Variants in SLAIN2 observed in about 807,000 individuals in gnomAD.
SLAIN2 encodes the protein SLAIN motif-containing protein 2.
Under a neutral mutation model 56.6 loss-of-function variants are expected in SLAIN2, and 31 were observed. That is an observed-to-expected ratio of 0.55 (90% CI 0.41 to 0.74). The LOEUF is 0.74. SLAIN2 is among the 30% of genes least tolerant of loss of function. The pLI, the probability that SLAIN2 is intolerant of heterozygous loss-of-function variation, is 0.00. For synonymous variants in SLAIN2, 317 were observed against 284.9 expected (o/e 1.11, Z -1.13); for missense variants, 777 against 754.2 (o/e 1.03, Z -0.35).
rs1203717460 is a variant in SLAIN2, at chr4:48,377,958, A to G, written c.601A>G (p.Ser201Gly). The change falls in exon 3 of 8, where the codon AGT becomes GGT. Residue 201 changes from serine to glycine, a missense_variant. Coordinates refer to ENST00000264313, the MANE Select transcript of SLAIN2 (RefSeq NM_020846.2). ...CTCTATGAGTTACACCAGTCCTTAC[A>G]GTCCAAATGCCAGTAGCCCATACAG... Reference protein sequence around the residue: ...FNSMSYTSPYSPNASSPYSSG... With the variant: ...FNSMSYTSPYGPNASSPYSSG... 10 of 1,613,982 alleles carry G rather than the reference A, an allele frequency of 6.2e-6. 1 individual carries two copies. The highest frequency in any genetic ancestry group is 8.5e-6 in the Non-Finnish European group (10 of 1,179,880).
At chr4:48,342,711 CTTTT>C (rs761272695) in intron 1 of SLAIN2, among the ~76,000 whole-genome samples, 78 of 65,944 alleles carry the variant, frequency 1.2e-3, no homozygotes, top group African/African-American at 4.6e-3. Context: ...GATGGTGCTG[CTTTT>C]TTTTTTTTTT....
chr4:48,351,701 C>T (rs530456013), intron 1 of SLAIN2, among the ~76,000 whole-genome samples: 3 of 152,316 alleles, frequency 2.0e-5, no homozygotes, highest in South Asian at 2.1e-4. Context: ...TTCTGTCTAA[C>T]GCCATGTCTG....
intron 1 of SLAIN2, among the ~76,000 whole-genome samples, chr4:48,357,927 G>C (rs1560450951): frequency 6.6e-6 from 1 of 152,078 alleles, no homozygotes; most frequent in Non-Finnish European, 1.5e-5. Context: ...TTGAACTCCT[G>C]GCCTCAAGTG....
intron 1 of SLAIN2, among the ~76,000 whole-genome samples, chr4:48,362,032 A>G (rs1271415895): frequency 6.6e-6 from 1 of 152,108 alleles, no homozygotes; most frequent in African/African-American, 2.4e-5. Flanking sequence ...ACCTTGCAGA[A>G]CACATTTATT....
intron 6 of SLAIN2, among the ~76,000 whole-genome samples, chr4:48,394,278 C>T (rs765131879): frequency 6.6e-6 from 1 of 152,114 alleles, no homozygotes; most frequent in Non-Finnish European, 1.5e-5. Flanking sequence ...GTATCCCTAG[C>T]ATGTTTGTGG....
chr4:48,383,581 A>G, intron 5 of SLAIN2, 66 bp from the exon 6 acceptor site: 1 of 1,328,260 alleles, frequency 7.5e-7, no homozygotes, highest in Admixed American at 2.7e-5. Flanking sequence ...TTTGAATGCT[A>G]GTTAATATTT....
At chr4:48,364,048 T>G (rs1232986069) in intron 1 of SLAIN2, among the ~76,000 whole-genome samples, 8 of 82,722 alleles carry the variant, frequency 9.7e-5, no homozygotes, top group East Asian at 7.3e-4. Flanking sequence ...ATGGGGTGGC[T>G]GCCGGGCGGA....
chr4:48,378,609 C>T (rs1353620487), intron 3 of SLAIN2, among the ~76,000 whole-genome samples: 1 of 152,056 alleles, frequency 6.6e-6, no homozygotes, highest in African/African-American at 2.4e-5. Context: ...CTCTTATTGT[C>T]GCTGAAGCTG....
chr4:48,350,728 AT>A (rs953208508), intron 1 of SLAIN2, among the ~76,000 whole-genome samples: 1 of 152,236 alleles, frequency 6.6e-6, no homozygotes, highest in Non-Finnish European at 1.5e-5. Flanking sequence ...AAACTAGCTT[AT>A]TTAAGAGGAA....
intron 1 of SLAIN2, among the ~76,000 whole-genome samples, chr4:48,356,944 T>G (rs1715170427): frequency 6.6e-6 from 1 of 152,142 alleles, no homozygotes; most frequent in Non-Finnish European, 1.5e-5. Flanking sequence ...TTGTGTTGTG[T>G]TCTGTCACAC....
At chr4:48,374,404 T>A (rs1715750183) in intron 2 of SLAIN2, among the ~76,000 whole-genome samples, 1 of 151,700 alleles carries the variant, frequency 6.6e-6, no homozygotes, top group African/African-American at 2.4e-5. Flanking sequence ...ACCCAGCTAA[T>A]TTTTTTTGTA....
At chr4:48,362,619 C>G (rs1005763919) in intron 1 of SLAIN2, among the ~76,000 whole-genome samples, 26 of 136,082 alleles carry the variant, frequency 1.9e-4, no homozygotes, top group Non-Finnish European at 3.1e-4. Flanking sequence ...CAGGGTTTCA[C>G]CGTGTTAGCC....
rs1717111683 is a variant in SLAIN2, at chr4:48,420,256, ACCT to A, written c.1497_1499del (p.Ser500del). ...AGAAATAACACAGCTCACACAAACC[ACCT>A]CCTCACCTGGGCCTCCTATGGTTCA... On this transcript the variant is annotated inframe_deletion, in exon 7 of 8. Coordinates refer to ENST00000264313, the MANE Select transcript of SLAIN2 (RefSeq NM_020846.2). The A allele has an allele frequency of 6.2e-7, 1 of 1,613,560 alleles. No individual in the cohort carries two copies. Among genetic ancestry groups the A allele is most frequent in the South Asian group, 1.1e-5 (1 of 91,072 alleles).
rs758034258 is a variant in SLAIN2 at position 48,424,629 on chromosome 4, T to G, written c.*2552T>G. The G allele has an allele frequency of 2.6e-5, 4 of 152,184 alleles. No homozygotes were observed. Among genetic ancestry groups the G allele is most frequent in the Non-Finnish European group, 4.4e-5 (3 of 67,994 alleles). 9.4% of individuals were successfully genotyped at this position (152,184 alleles called of 1,614,324 possible). A position where few individuals can be genotyped will look rare whatever the true frequency, so the allele number is the denominator to read the frequency against. Reference sequence around the variant, plus strand: ...TGCTGGATCATTTTTCTACAAAACTTGTTTGTACAATATAAAACACTCTCT... The same window carrying G: ...TGCTGGATCATTTTTCTACAAAACTGGTTTGTACAATATAAAACACTCTCT... On this transcript the variant is annotated 3_prime_UTR_variant, in exon 8 of 8. Coordinates refer to ENST00000264313, the MANE Select transcript of SLAIN2 (RefSeq NM_020846.2).
intron 6 of SLAIN2, among the ~76,000 whole-genome samples, chr4:48,405,728 G>A (rs952543324): frequency 6.6e-6 from 1 of 151,880 alleles, no homozygotes; most frequent in Admixed American, 6.6e-5. Context: ...TAATTCATTA[G>A]TTATTACAGA....
intron 1 of SLAIN2, among the ~76,000 whole-genome samples, chr4:48,360,225 G>A (rs1189630552): frequency 6.6e-6 from 1 of 151,926 alleles, no homozygotes; most frequent in African/African-American, 2.4e-5. Flanking sequence ...ATTTTGAAAG[G>A]CCAGTTTATT....
At chr4:48,374,062 A>G (rs1715738813) in intron 2 of SLAIN2, among the ~76,000 whole-genome samples, 1 of 152,150 alleles carries the variant, frequency 6.6e-6, no homozygotes, top group African/African-American at 2.4e-5. Context: ...GGAGTAGAGC[A>G]TTCCAGATAA....
intron 1 of SLAIN2, among the ~76,000 whole-genome samples, chr4:48,354,537 G>C (rs1406836216): frequency 6.6e-6 from 1 of 151,976 alleles, no homozygotes; most frequent in African/African-American, 2.4e-5. Flanking sequence ...AGCAATCTCA[G>C]CTCACTGCAA....
rs906299336 is a variant in SLAIN2, at chr4:48,356,147, C to T, written c.390-13702C>T. On this transcript the variant is annotated intron_variant, in intron 1 of 7. Transcript: ENST00000264313. ...ATCATCTTGGATTTGAAGAATATAT[C>T]ATTTGCTGAAAATATGACGTTTTAG... 1.8e-4 allele frequency among the ~76,000 whole-genome samples: 27 copies of T among 152,248 alleles called. 1 individual carries two copies. The highest frequency in any genetic ancestry group is 5.8e-4 in the African/African-American group (24 of 41,552).
Sources: allele counts gnomAD v4.1 joint callset (sites outside exome capture counted in the v4.1 genomes callset), GRCh38; gene constraint gnomAD v4.1.1; transcripts MANE v1.5; gene names NCBI Gene and HGNC (gene_info 2026-07-23, HGNC 2026-07-21).